CCDC18: variants seen among roughly 807,000 people sequenced by gnomAD.
CCDC18 encodes coiled-coil domain-containing protein 18.
In CCDC18, 157 loss-of-function variants were observed where a neutral mutation model predicts 196.0. The observed-to-expected ratio is 0.80, with a 90% CI of 0.70 to 0.91. CCDC18 has a LOEUF of 0.91. CCDC18 is among the 40% of genes least tolerant of loss of function. CCDC18 has a pLI of 0.00. For synonymous variants in CCDC18, 482 were observed against 529.2 expected, an observed-to-expected ratio of 0.91 and a Z score of 1.22; for missense variants, 1,465 against 1,611.6, an observed-to-expected ratio of 0.91 and a Z score of 1.56.
intron 2 of CCDC18, 22 bp downstream of exon 2, chr1:93,183,517 T>C (rs754826638): frequency 1.2e-5 from 18 of 1,556,284 alleles, no homozygotes; most frequent in South Asian, 8.6e-5. Flanking sequence ...AAATCACATA[T>C]AGAATTCACT....
chr1:93,238,781 C>CA (rs1182789015), intron 19 of CCDC18, among the ~76,000 whole-genome samples: 3 of 152,150 alleles, frequency 2.0e-5, no homozygotes, highest in Non-Finnish European at 2.9e-5. Context: ...TGTATTATCT[C>CA]AGACAACTCA....
chr1:93,245,470 A>G (rs541028164), intron 21 of CCDC18, among the ~76,000 whole-genome samples: 4 of 152,250 alleles, frequency 2.6e-5, no homozygotes, highest in South Asian at 2.1e-4. Flanking sequence ...CAACATTTTC[A>G]ACCTTTGTCT....
intron 16 of CCDC18, among the ~76,000 whole-genome samples, chr1:93,226,035 TC>T (rs1316101486): frequency 6.6e-6 from 1 of 152,110 alleles, no homozygotes; most frequent in Non-Finnish European, 1.5e-5. Context: ...TTCTCACCAC[TC>T]CCTTTCGCAG....
chr1:93,242,922 G>T (rs1380655675), intron 21 of CCDC18, among the ~76,000 whole-genome samples: 4 of 152,240 alleles, frequency 2.6e-5, no homozygotes, highest in Non-Finnish European at 5.9e-5. Context: ...CTCCACCCCT[G>T]TGACTTTGTA....
intron 14 of CCDC18, among the ~76,000 whole-genome samples, chr1:93,220,595 T>G (rs1415817673): frequency 6.6e-6 from 1 of 152,186 alleles, no homozygotes; most frequent in Non-Finnish European, 1.5e-5. Context: ...TAAAGGGGTC[T>G]ATATTCTTAG....
chr1:93,268,562 A>T (rs2101476900), intron 27 of CCDC18, among the ~76,000 whole-genome samples: 1 of 141,894 alleles, frequency 7.0e-6, no homozygotes, highest in East Asian at 2.0e-4. Context: ...GAATCTACAA[A>T]GAACTTAAAC....
Position 93,257,123 on chromosome 1 carries a change from T to A in CCDC18, c.3546+585T>A, listed in dbSNP as rs143895561. On this transcript the variant is annotated intron_variant, in intron 25 of 28. Coordinates refer to ENST00000690025, the MANE Select transcript of CCDC18 (RefSeq NM_001378204.1). Reference sequence around the variant, plus strand: ...GGTGGGCACCTATAGTCCCAGCTACTCGGGAGGCTAAGGCTGGGGAATCGC... The same window carrying A: ...GGTGGGCACCTATAGTCCCAGCTACACGGGAGGCTAAGGCTGGGGAATCGC... Among the ~76,000 whole-genome samples the A allele has an allele frequency of 2.0e-5, 3 of 149,840 alleles. No homozygotes were observed. In the East Asian group the frequency reaches 6.0e-4, roughly 30 times the overall value.
chr1:93,188,253 A>G (rs1240083704), intron 4 of CCDC18, among the ~76,000 whole-genome samples: 1 of 152,170 alleles, frequency 6.6e-6, no homozygotes, highest in African/African-American at 2.4e-5. Context: ...AAATCAATCA[A>G]TATATTCATA....
At chr1:93,256,126 G>T (rs12744039) in intron 24 of CCDC18, among the ~76,000 whole-genome samples, 1 of 151,914 alleles carries the variant, frequency 6.6e-6, no homozygotes, top group Non-Finnish European at 1.5e-5. Flanking sequence ...CCCAATTATG[G>T]TATTTTTGTC....
intron 21 of CCDC18, among the ~76,000 whole-genome samples, chr1:93,240,748 A>G (rs1173863700): frequency 3.3e-5 from 5 of 152,132 alleles, no homozygotes; most frequent in Non-Finnish European, 2.9e-5. Flanking sequence ...TCCAGATTCA[A>G]TATCCAACTA....
chr1:93,269,707 TATC>T (rs1269840740), intron 27 of CCDC18: 6 of 152,180 alleles, frequency 3.9e-5, no homozygotes, highest in African/African-American at 1.4e-4. Context: ...GAAATTAAAA[TATC>T]ATCTCTTTTT....
intron 9 of CCDC18, 140 bp from the exon 10 acceptor site, chr1:93,210,662 G>C (rs1159650482): frequency 1.8e-6 from 1 of 564,924 alleles, no homozygotes; most frequent in Non-Finnish European, 3.1e-6. Context: ...ATTTCTTAAT[G>C]TATTTATATA....
At chr1:93,251,473 G>C (rs969146158) in intron 23 of CCDC18, among the ~76,000 whole-genome samples, 1 of 152,072 alleles carries the variant, frequency 6.6e-6, no homozygotes, top group African/African-American at 2.4e-5. Context: ...GACAGGTCTA[G>C]TAGCGACAAA....
chr1:93,266,791 G>A (rs1234959942), intron 27 of CCDC18, among the ~76,000 whole-genome samples: 1 of 152,150 alleles, frequency 6.6e-6, no homozygotes, highest in Non-Finnish European at 1.5e-5. Flanking sequence ...CTGAAATTGA[G>A]GCAGTAATTA....
chr1:93,236,576 T>C (rs977915250), intron 19 of CCDC18, among the ~76,000 whole-genome samples, 186 bp downstream of exon 19: 1 of 152,192 alleles, frequency 6.6e-6, no homozygotes, highest in African/African-American at 2.4e-5. Flanking sequence ...TATTACAGTT[T>C]AATGCTTTTA....
chr1:93,265,428 T>C (rs1237358871), intron 27 of CCDC18, among the ~76,000 whole-genome samples: 1 of 152,236 alleles, frequency 6.6e-6, no homozygotes, highest in Non-Finnish European at 1.5e-5. Context: ...CAGTGTACTA[T>C]ATTTAATTGT....
intron 18 of CCDC18, among the ~76,000 whole-genome samples, chr1:93,234,973 G>GTGTGTGTGTGTGTGTGTGTGTGT (rs1557668666): frequency 6.8e-6 from 1 of 146,306 alleles, no homozygotes; most frequent in African/African-American, 2.5e-5. Flanking sequence ...GTGTGTGTGT[G>GTGTGTGTGTGTGTGTGTGTGTGT]GCTTTTCTTT....
At chr1:93,268,868 C>T (rs916179478) in intron 27 of CCDC18, among the ~76,000 whole-genome samples, 14 of 152,012 alleles carry the variant, frequency 9.2e-5, no homozygotes, top group Non-Finnish European at 1.6e-4. Flanking sequence ...GACAGTGTGG[C>T]GATTCCTCAA....
At chr1:93,212,327 A>C in intron 11 of CCDC18, 66 bp downstream of exon 11, 1 of 1,140,434 alleles carries the variant, frequency 8.8e-7, no homozygotes, top group Non-Finnish European at 1.2e-6. Flanking sequence ...TTTTTTAAAA[A>C]AACTTTTATT....
Sources: gnomAD v4.1 joint callset for allele counts (sites outside exome capture counted in the v4.1 genomes callset) on GRCh38, gnomAD v4.1.1 for gene constraint, MANE v1.5 for transcripts, NCBI Gene and HGNC (gene_info 2026-07-23, HGNC 2026-07-21) for gene names.